The following ADAMTS14 variants were observed in gnomAD, a reference collection of about 807,000 sequenced individuals.
ADAMTS14 encodes the protein ADAM metallopeptidase with thrombospondin type 1 motif 14.
In ADAMTS14, 100 loss-of-function variants were observed where a neutral mutation model predicts 128.6. That is an observed-to-expected ratio of 0.78 (90% CI 0.66 to 0.92). ADAMTS14 has a LOEUF of 0.92. ADAMTS14 is among the 40% of genes least tolerant of loss of function. The pLI is 0.00. For synonymous variants in ADAMTS14, 665 were observed against 653.8 expected, an observed-to-expected ratio of 1.02 and a Z score of -0.26; for missense variants, 1,562 against 1,658.6, an observed-to-expected ratio of 0.94 and a Z score of 1.01.
chr10:70,759,216 A>G (rs1014404199), intron 21 of ADAMTS14, among the ~76,000 whole-genome samples: 12 of 144,992 alleles, frequency 8.3e-5, no homozygotes, highest in Non-Finnish European at 1.5e-4. Flanking sequence ...GACGATTCCG[A>G]TTCTGGTTCC....
chr10:70,746,492 G>C (rs1173139890), intron 15 of ADAMTS14, among the ~76,000 whole-genome samples: 1 of 152,176 alleles, frequency 6.6e-6, no homozygotes, highest in Non-Finnish European at 1.5e-5. Flanking sequence ...TCTGGAATTA[G>C]ACAGTGGCAA....
intron 7 of ADAMTS14, 50 bp from the exon 8 acceptor site, chr10:70,733,834 CG>C: frequency 6.4e-7 from 1 of 1,565,714 alleles, no homozygotes; most frequent in East Asian, 2.3e-5. Context: ...CCTGCCTTCC[CG>C]GGGCAGGCTC....
At chr10:70,694,405 A>T (rs534439328) in intron 2 of ADAMTS14, among the ~76,000 whole-genome samples, 1 of 152,380 alleles carries the variant, frequency 6.6e-6, no homozygotes, top group East Asian at 1.9e-4. Flanking sequence ...GCCCATTTAA[A>T]ATATGCAATT....
At chr10:70,719,594 G>A (rs1198990883) in intron 4 of ADAMTS14, among the ~76,000 whole-genome samples, 2 of 151,232 alleles carry the variant, frequency 1.3e-5, no homozygotes, top group African/African-American at 4.9e-5. Context: ...TTAAAAAATA[G>A]ACAAGGTCTC....
intron 11 of ADAMTS14, 110 bp downstream of exon 11, chr10:70,739,100 G>A: frequency 7.3e-7 from 1 of 1,363,436 alleles, no homozygotes; most frequent in Non-Finnish European, 9.8e-7. Flanking sequence ...GCCCCTGTGG[G>A]TGGTTGTGTA....
chr10:70,707,065 C>T (rs998528474), intron 3 of ADAMTS14, among the ~76,000 whole-genome samples: 2 of 152,268 alleles, frequency 1.3e-5, no homozygotes, highest in Non-Finnish European at 2.9e-5. Flanking sequence ...GTGACCCCTC[C>T]TCTGGATGCC....
At position 70,757,978 on chromosome 10, in the gene ADAMTS14, G is replaced by A. The variant is rs1345085523; in HGVS notation, c.2954G>A (p.Gly985Glu). 1.2e-6 allele frequency: 2 copies of A among 1,612,140 alleles called. No homozygotes were observed. Among genetic ancestry groups the A allele is most frequent in the Non-Finnish European group, 1.7e-6 (2 of 1,179,360 alleles). Residue 985 changes from glycine to glutamate, a missense_variant, in exon 20 of 22, where the codon GGA becomes GAA. Coordinates refer to ENST00000373207, the MANE Select transcript of ADAMTS14 (RefSeq NM_080722.4). Reference sequence around the variant, plus strand: ...CCACGGCAGTGCTCTGCCACCTGTGGAGAGGGCATCCAGCAGCGGCAGGTG... The same window carrying A: ...CCACGGCAGTGCTCTGCCACCTGTGAAGAGGGCATCCAGCAGCGGCAGGTG... ...GAWSQCSATC[G>E]EGIQQRQVVC... is the part of the protein sequence containing the mutation.
chr10:70,730,312 G>T (rs1389444679), intron 6 of ADAMTS14, 63 bp downstream of exon 6: 5 of 1,555,500 alleles, frequency 3.2e-6, no homozygotes, highest in Admixed American at 1.8e-5. Flanking sequence ...GACAGAGGCT[G>T]GGCCTGGAGG....
intron 4 of ADAMTS14, among the ~76,000 whole-genome samples, chr10:70,728,034 T>G (rs1163938060): frequency 2.0e-5 from 3 of 150,370 alleles, no homozygotes; most frequent in Non-Finnish European, 4.4e-5. Context: ...AGGTGGAGTT[T>G]GCAGTGAGCC....
chr10:70,759,252 A>G (rs1000268744), intron 21 of ADAMTS14, among the ~76,000 whole-genome samples: 8 of 151,832 alleles, frequency 5.3e-5, no homozygotes, highest in Non-Finnish European at 1.2e-4. Context: ...TCTAGAGGCC[A>G]CTGGCTTTCC....
chr10:70,705,234 T>C (rs1443475978), intron 3 of ADAMTS14, among the ~76,000 whole-genome samples: 1 of 152,188 alleles, frequency 6.6e-6, no homozygotes, highest in African/African-American at 2.4e-5. Flanking sequence ...GGCCCTGCCT[T>C]GGCCCCTGAG....
At chr10:70,734,174 T>A in intron 8 of ADAMTS14, 146 bp downstream of exon 8, 1 of 1,054,912 alleles carries the variant, frequency 9.5e-7, no homozygotes, top group African/African-American at 1.6e-5. Context: ...AAACCTGGCC[T>A]AAAACATACC....
rs1296938548 is a variant in ADAMTS14 at position 70,708,595 on chromosome 10, C to A, written c.687C>A (p.Gly229=). The A allele has an allele frequency of 3.7e-6, 6 of 1,604,284 alleles. No homozygotes were observed. The South Asian group carries it at 6.6e-5, about 18-fold the overall frequency. ...PDGDLHNEAF[G]LGDLPNLLGL... The stretch of plus-strand genomic sequence containing the variant: ...TTCCTGTCTTGGTTCCAGCCTTTGG[C>A]CTGGGAGACCTTCCCAACCTGCTGG... Residue 229 remains glycine (G), a synonymous_variant, in exon 4 of 22, where the codon GGC becomes GGA. Coordinates refer to ENST00000373207, the MANE Select transcript of ADAMTS14 (RefSeq NM_080722.4).
At chr10:70,752,354 C>A (rs1842375413) in intron 18 of ADAMTS14, 127 bp downstream of exon 18, 5 of 1,347,226 alleles carry the variant, frequency 3.7e-6, no homozygotes, top group Non-Finnish European at 4.9e-6. Flanking sequence ...GGCAACACAA[C>A]TTTCAGTGCT....
chr10:70,708,884 G>C (rs1011420462), intron 4 of ADAMTS14, 106 bp downstream of exon 4: 159 of 908,444 alleles, frequency 1.8e-4, no homozygotes, highest in Non-Finnish European at 2.3e-4. Context: ...CTGGGGCCTG[G>C]TATTTTTTAG....
At chr10:70,750,488 A>G (rs1488465645) in intron 16 of ADAMTS14, among the ~76,000 whole-genome samples, 1 of 152,148 alleles carries the variant, frequency 6.6e-6, no homozygotes, top group Admixed American at 6.5e-5. Flanking sequence ...ATAGGGATTA[A>G]CCCAGCAGAC....
intron 4 of ADAMTS14, among the ~76,000 whole-genome samples, chr10:70,711,532 T>C (rs1286764966): frequency 3.3e-5 from 5 of 152,244 alleles, no homozygotes; most frequent in African/African-American, 4.8e-5. Flanking sequence ...TTTTTCATGA[T>C]AGTGTCTGCT....
At chr10:70,747,808 TTG>T (rs1285111787) in intron 15 of ADAMTS14, among the ~76,000 whole-genome samples, 1 of 151,996 alleles carries the variant, frequency 6.6e-6, no homozygotes, top group Non-Finnish European at 1.5e-5. Flanking sequence ...TTGGCACAGG[TTG>T]TGTGATTATA....
At chr10:70,685,339 A>G (rs1839923366) in intron 2 of ADAMTS14, among the ~76,000 whole-genome samples, 1 of 152,240 alleles carries the variant, frequency 6.6e-6, no homozygotes, top group Non-Finnish European at 1.5e-5. Context: ...AACAACAGTG[A>G]TAATATTTAC....
Sources: gnomAD v4.1 joint callset for allele counts (sites outside exome capture counted in the v4.1 genomes callset) on GRCh38, gnomAD v4.1.1 for gene constraint, MANE v1.5 for transcripts, NCBI Gene and HGNC (gene_info 2026-07-23, HGNC 2026-07-21) for gene names.